CDH17: variants seen among roughly 807,000 people sequenced by gnomAD.
CDH17 encodes cadherin-17.
In CDH17, 67 loss-of-function variants were observed where a neutral mutation model predicts 86.3. The ratio of observed to expected loss-of-function variants is 0.78; its 90% confidence interval spans 0.64 to 0.95. CDH17 has a LOEUF of 0.95. Ranked by LOEUF, CDH17 falls within the 40% of genes least tolerant of loss-of-function variation. The pLI, the probability that CDH17 is intolerant of heterozygous loss-of-function variation, is 0.00. For missense variants in CDH17, 993 were observed against 1,017.6 expected, an observed-to-expected ratio of 0.98 and a Z score of 0.33; for synonymous variants, 367 against 366.4, an observed-to-expected ratio of 1.00 and a Z score of -0.02.
chr8:94,174,101 C>T lies in CDH17; in HGVS notation c.583+1G>A. On this transcript the variant is annotated splice_donor_variant, in intron 6 of 17. Coordinates refer to ENST00000027335, the MANE Select transcript of CDH17 (RefSeq NM_004063.4). LOFTEE classifies it high-confidence loss of function. ...TCCTACCAGGGCACCCCTGAACTTA[C>T]CCTCTCGGGTAAGAGAGATGGCTCC... 1 of 1,613,566 alleles carries T rather than the reference C, an allele frequency of 6.2e-7. No individual in the cohort carries two copies.
At chr8:94,140,778 T>G (rs1264955504) in intron 15 of CDH17, among the ~76,000 whole-genome samples, 4 of 152,134 alleles carry the variant, frequency 2.6e-5, no homozygotes. Context: ...ATACATTAGA[T>G]TAATGAAATA....
chr8:94,137,841 G>A (rs550460427), intron 15 of CDH17, among the ~76,000 whole-genome samples: 1 of 152,318 alleles, frequency 6.6e-6, no homozygotes, highest in Admixed American at 6.5e-5. Context: ...ATTTTATCAT[G>A]TAGATTATTT....
In CDH17 at chr8:94,176,555, T is replaced by C; in HGVS notation, c.410A>G (p.Gln137Arg). Residue 137 changes from glutamine (Q) to arginine (R), a missense_variant, in exon 5 of 18, where the codon CAG becomes CGG. Gln to Arg is a conservative substitution (Grantham distance 43, BLOSUM62 1). Transcript: ENST00000027335. ...LQSKYEGSVRQNSRPGKPFLY... is the reference protein window; with the variant it reads ...LQSKYEGSVRRNSRPGKPFLY... ...CTGCCTGTTACCTGGGCGAGAGTTC[T>C]GCCTTACTGAGCCTTCGTACTTTGA... 1 of 1,613,804 alleles carries C rather than the reference T, an allele frequency of 6.2e-7. No individual in the cohort carries two copies. Among genetic ancestry groups the C allele is most frequent in the South Asian group, 1.1e-5 (1 of 91,070 alleles).
At chr8:94,140,309 AGTCCC>A (rs1812613398) in intron 15 of CDH17, among the ~76,000 whole-genome samples, 2 of 151,850 alleles carry the variant, frequency 1.3e-5, no homozygotes, top group Non-Finnish European at 2.9e-5. Context: ...TCATACGTGT[AGTCCC>A]AGCTACTTGG....
At chr8:94,148,060 G>C (rs2251996) in intron 14 of CDH17, among the ~76,000 whole-genome samples, 14,602 of 152,240 alleles carry the variant, frequency 0.096, 787 homozygotes, top group Middle Eastern at 0.16. Flanking sequence ...GCAAGTGGTG[G>C]TCTACGTGAA....
In CDH17 at chr8:94,128,172, G is replaced by GTAAT; in HGVS notation, c.*64_*67dup. The GTAAT allele has an allele frequency of 1.0e-6, 1 of 955,676 alleles. No homozygotes were observed. Among genetic ancestry groups the GTAAT allele is most frequent in the Non-Finnish European group, 1.7e-6 (1 of 590,066 alleles). 59.2% of individuals were successfully genotyped at this position (955,676 alleles called of 1,614,324 possible). On this transcript the variant is annotated 3_prime_UTR_variant, in exon 18 of 18. Coordinates refer to ENST00000027335, the MANE Select transcript of CDH17 (RefSeq NM_004063.4). ...AATTATAATGCACGTTAGATGAAAA[G>GTAAT]TAATAGGATGAGATGGTTGTTGCTG...
intron 10 of CDH17, 47 bp from the exon 11 acceptor site, chr8:94,162,209 G>T: frequency 8.3e-7 from 1 of 1,202,358 alleles, no homozygotes; most frequent in Non-Finnish European, 1.2e-6. Context: ...TGAAAACCAT[G>T]CATTAATATC....
upstream of CDH17, among the ~76,000 whole-genome samples, chr8:94,213,542 A>G (rs1431378254): frequency 6.6e-6 from 1 of 151,376 alleles, no homozygotes; most frequent in Non-Finnish European, 1.5e-5. Flanking sequence ...TAAGCTTTTT[A>G]TTTGATCTTG....
intron 5 of CDH17, among the ~76,000 whole-genome samples, chr8:94,175,398 A>T (rs1813353221): frequency 6.6e-6 from 1 of 151,990 alleles, no homozygotes; most frequent in African/African-American, 2.4e-5. Context: ...ACTGAAGTGA[A>T]TTTTTTCCTG....
chr8:94,207,047 G>A (rs1814041867), intron 1 of CDH17, among the ~76,000 whole-genome samples: 1 of 152,038 alleles, frequency 6.6e-6, no homozygotes, highest in Non-Finnish European at 1.5e-5. Flanking sequence ...GAGTTTCAAA[G>A]GATGCCCCAC....
chr8:94,146,074 A>G lies in CDH17; in HGVS notation c.2021T>C (p.Leu674Ser). Residue 674 changes from leucine to serine, a missense_variant, in exon 15 of 18, where the codon TTG (leucine) becomes TCG (serine). Leu to Ser is a moderately radical substitution (Grantham distance 145). Coordinates refer to ENST00000027335, the MANE Select transcript of CDH17 (RefSeq NM_004063.4). ...TGCACTGAGGGGATGGCAGAAGAAC[A>G]AGCCCGTGTAGTCCTTGGCTAGCCT... is the stretch of plus-strand genomic sequence containing the variant. ...PPRLAKDYTG[L>S]FFCHPLSAPG... 2 of 1,613,882 alleles carry G rather than the reference A, an allele frequency of 1.2e-6. No homozygotes were observed. The highest frequency in any genetic ancestry group is 1.7e-6 in the Non-Finnish European group (2 of 1,179,914).
chr8:94,136,923 C>A (rs1293517312), intron 15 of CDH17, among the ~76,000 whole-genome samples: 4 of 152,328 alleles, frequency 2.6e-5, no homozygotes, highest in African/African-American at 9.6e-5. Context: ...CCACTCCAGA[C>A]CCTGTTTGCC....
At chr8:94,147,304 C>T (rs1243612476) in intron 14 of CDH17, among the ~76,000 whole-genome samples, 1 of 152,172 alleles carries the variant, frequency 6.6e-6, no homozygotes, top group African/African-American at 2.4e-5. Context: ...AGCAGAGGGC[C>T]TGTCCATTCA....
chr8:94,180,432 A>G (rs766000206), intron 3 of CDH17, among the ~76,000 whole-genome samples: 5 of 152,184 alleles, frequency 3.3e-5, no homozygotes, highest in Admixed American at 1.3e-4. Flanking sequence ...AACAATCACT[A>G]TGAACTCCAA....
intron 4 of CDH17, 93 bp from the exon 5 acceptor site, chr8:94,176,772 C>T: frequency 1.6e-6 from 2 of 1,282,224 alleles, no homozygotes; most frequent in Non-Finnish European, 2.2e-6. Flanking sequence ...CTCAAAGAAC[C>T]AATGGCCTGG....
intron 13 of CDH17, 133 bp downstream of exon 13, chr8:94,151,735 A>G: frequency 8.2e-7 from 1 of 1,221,824 alleles, no homozygotes; most frequent in South Asian, 1.4e-5. Context: ...AGCTTCCTAA[A>G]CCAAAGCCAA....
At chr8:94,204,466 G>A (rs1813985082) in intron 1 of CDH17, among the ~76,000 whole-genome samples, 1 of 152,142 alleles carries the variant, frequency 6.6e-6, no homozygotes, top group Non-Finnish European at 1.5e-5. Flanking sequence ...TCCCTGAAAA[G>A]GACATGAAAT....
rs553430966 is a variant in CDH17 at position 94,140,428 on chromosome 8, A to T, written c.2167+5500T>A. Among the ~76,000 whole-genome samples the T allele has an allele frequency of 2.9e-3, 432 of 149,164 alleles. 4 individuals are homozygous for T. Among genetic ancestry groups the T allele is most frequent in the African/African-American group, 9.8e-3 (396 of 40,532 alleles). ...CTGGGTGACTGAGGCCCTGTCTATT[A>T]AAAAAAAAATGCAGCTAATGTGACA... On this transcript the variant is annotated intron_variant, in intron 15 of 17. Coordinates refer to ENST00000027335, the MANE Select transcript of CDH17 (RefSeq NM_004063.4).
chr8:94,175,883 C>T lies in CDH17; in HGVS notation c.424+658G>A, dbSNP rs140555874. On this transcript the variant is annotated intron_variant, in intron 5 of 17. Coordinates refer to ENST00000027335, the MANE Select transcript of CDH17 (RefSeq NM_004063.4). ...TATCTTAGAGATCACCCTAGAAAAG[C>T]GTTTTTCAACTGGGGGTAATTTTTG... Among the ~76,000 whole-genome samples, 642 of 152,182 alleles carry T rather than the reference C, an allele frequency of 4.2e-3. 1 individual carries two copies. The highest frequency in any genetic ancestry group is 0.014 in the African/African-American group (569 of 41,508).
Sources: allele counts gnomAD v4.1 joint callset (sites outside exome capture counted in the v4.1 genomes callset), GRCh38; gene constraint gnomAD v4.1.1; transcripts MANE v1.5; gene names NCBI Gene and HGNC (gene_info 2026-07-23, HGNC 2026-07-21).